The following CCDC38 variants were observed in gnomAD, a reference collection of about 807,000 sequenced individuals.
CCDC38 encodes coiled-coil domain containing 38, also known as coiled-coil domain-containing protein 38.
A neutral mutation model predicts 72.8 loss-of-function variants in CCDC38; 69 were observed. That is an observed-to-expected ratio of 0.95 (90% CI 0.78 to 1.16). The LOEUF (loss-of-function observed/expected upper bound fraction) is 1.16, where lower values mean the gene tolerates loss of function less well. Ranked by LOEUF, CCDC38 falls within the 50% of genes most tolerant of loss-of-function variation. The pLI, the probability that CCDC38 is intolerant of heterozygous loss-of-function variation, is 0.00. For missense variants in CCDC38, 626 were observed against 638.9 expected (o/e 0.98, Z 0.22); for synonymous variants, 201 against 213.2 (o/e 0.94, Z 0.50).
intron 2 of CCDC38, among the ~76,000 whole-genome samples, chr12:95,930,841 T>C (rs1694436517): frequency 6.6e-6 from 1 of 152,016 alleles, no homozygotes; most frequent in African/African-American, 2.4e-5. Flanking sequence ...CAATAAGGGG[T>C]CTGCTTAGAT....
At chr12:95,888,281 C>T (rs988691496) in intron 10 of CCDC38, among the ~76,000 whole-genome samples, 177 bp downstream of exon 10, 2 of 152,152 alleles carry the variant, frequency 1.3e-5, no homozygotes, top group Admixed American at 6.5e-5. Context: ...AGGTACTTAA[C>T]AAAGATTGGA....
intron 2 of CCDC38, among the ~76,000 whole-genome samples, chr12:95,922,467 C>G (rs551609610): frequency 1.3e-5 from 2 of 152,308 alleles, no homozygotes; most frequent in East Asian, 3.9e-4. Context: ...GAGGTGTCCC[C>G]TGGTCCCCAC....
intron 8 of CCDC38, among the ~76,000 whole-genome samples, chr12:95,892,319 C>G (rs1485490089): frequency 1.9e-5 from 2 of 107,492 alleles, no homozygotes; most frequent in Non-Finnish European, 1.7e-5. Flanking sequence ...GGGTCTCGTT[C>G]TGTTGCCCAG....
intron 10 of CCDC38, among the ~76,000 whole-genome samples, chr12:95,882,432 C>T (rs534237118): frequency 4.8e-4 from 73 of 152,190 alleles, no homozygotes; most frequent in African/African-American, 1.7e-3. Flanking sequence ...AGGAAAACAG[C>T]TTACAGATGG....
chr12:95,942,872 C>G (rs957425415), upstream of CCDC38: 5 of 153,182 alleles, frequency 3.3e-5, no homozygotes, highest in Admixed American at 1.3e-4. Flanking sequence ...TGCCCCTGGG[C>G]ACAGCTTTCC....
At chr12:95,927,220 G>T (rs2136733125) in intron 2 of CCDC38, among the ~76,000 whole-genome samples, 1 of 150,830 alleles carries the variant, frequency 6.6e-6, no homozygotes, top group Non-Finnish European at 1.5e-5. Flanking sequence ...ATGAATCTGG[G>T]TGCTCCTGTA....
At chr12:95,881,149 A>G (rs1167304760) in intron 11 of CCDC38, among the ~76,000 whole-genome samples, 4 of 151,798 alleles carry the variant, frequency 2.6e-5, no homozygotes, top group Non-Finnish European at 5.9e-5. Flanking sequence ...TATTTATTTT[A>G]TGGTTCAGCT....
rs1450078274 is a variant in CCDC38 at position 95,926,792 on chromosome 12, G to A, written c.38-7816C>T. ...ACATCTTTATTTCTTCCTTCATTTG[G>A]TTATGTACCCAGTAGTCATTCAGGA... On this transcript the variant is annotated intron_variant, in intron 2 of 15. Coordinates refer to ENST00000344280, the MANE Select transcript of CCDC38 (RefSeq NM_182496.3). 6.0e-5 allele frequency among the ~76,000 whole-genome samples: 9 copies of A among 151,096 alleles called. No homozygotes were observed. In the East Asian group the frequency reaches 1.4e-3, roughly 23 times the overall value.
intron 2 of CCDC38, among the ~76,000 whole-genome samples, chr12:95,930,033 C>A (rs1269171121): frequency 6.6e-6 from 1 of 152,106 alleles, no homozygotes; most frequent in Non-Finnish European, 1.5e-5. Context: ...AGGGTGGTCT[C>A]ATCTTGAGAT....
In CCDC38 at chr12:95,888,521, C is replaced by T. The variant is rs564644237; in HGVS notation, c.872-15G>A. 29 of 1,613,590 alleles carry T rather than the reference C, an allele frequency of 1.8e-5. No homozygotes were observed. In the South Asian group the frequency reaches 2.7e-4, roughly 15 times the overall value. On this transcript the variant is annotated splice_polypyrimidine_tract_variant and intron_variant, in intron 9 of 15. Coordinates refer to ENST00000344280, the MANE Select transcript of CCDC38 (RefSeq NM_182496.3). ...GCTTGGCTTTCCTGTTCAAAATGTC[C>T]AGGTGAGGCCATGCCGTTGGTGATG...
intron 4 of CCDC38, among the ~76,000 whole-genome samples, chr12:95,907,119 T>G (rs2080013417): frequency 6.7e-6 from 1 of 149,834 alleles, no homozygotes; most frequent in African/African-American, 2.5e-5. Context: ...AGCACATGTT[T>G]CAGAGAGCAC....
intron 4 of CCDC38, among the ~76,000 whole-genome samples, chr12:95,908,173 T>C (rs1477235827): frequency 5.3e-5 from 8 of 151,742 alleles, no homozygotes; most frequent in East Asian, 4.0e-4. Flanking sequence ...CTGGGCACCA[T>C]TGAGCACTGA....
At chr12:95,896,819 C>T (rs1270905226) in intron 7 of CCDC38, among the ~76,000 whole-genome samples, 1 of 123,062 alleles carries the variant, frequency 8.1e-6, no homozygotes, top group African/African-American at 3.6e-5. Context: ...TCTCCTGCAC[C>T]TTTCTAGATG....
intron 5 of CCDC38, among the ~76,000 whole-genome samples, chr12:95,902,436 T>A (rs1443474381): frequency 6.6e-6 from 1 of 152,182 alleles, no homozygotes; most frequent in East Asian, 1.9e-4. Flanking sequence ...TAGACGAACT[T>A]GCATTTTCTA....
intron 2 of CCDC38, among the ~76,000 whole-genome samples, chr12:95,928,680 T>C (rs1460272468): frequency 1.3e-5 from 2 of 152,208 alleles, no homozygotes; most frequent in Non-Finnish European, 2.9e-5. Flanking sequence ...GTATCTACTT[T>C]TGGTCTTTGA....
chr12:95,872,523 T>G (rs2121411713), intron 13 of CCDC38, 63 bp from the exon 14 acceptor site: 2 of 1,039,610 alleles, frequency 1.9e-6, no homozygotes, highest in South Asian at 2.7e-5. Flanking sequence ...TATACCATTT[T>G]ACTATATTAC....
chr12:95,902,725 G>A (rs2079963063), intron 5 of CCDC38, among the ~76,000 whole-genome samples: 1 of 152,096 alleles, frequency 6.6e-6, no homozygotes, highest in Admixed American at 6.6e-5. Context: ...GGAGTGGAAT[G>A]GCTATAAATA....
chr12:95,874,154 A>G (rs2079611324), intron 13 of CCDC38, among the ~76,000 whole-genome samples: 1 of 152,222 alleles, frequency 6.6e-6, no homozygotes, highest in Non-Finnish European at 1.5e-5. Flanking sequence ...AAAGTAACCC[A>G]TCGGATTGAA....
intron 10 of CCDC38, among the ~76,000 whole-genome samples, chr12:95,884,511 A>G (rs2079735771): frequency 6.6e-6 from 1 of 152,260 alleles, no homozygotes; most frequent in Non-Finnish European, 1.5e-5. Flanking sequence ...CCAAATTGAT[A>G]TACAGGTTTG....
Sources: allele counts gnomAD v4.1 joint callset (sites outside exome capture counted in the v4.1 genomes callset), GRCh38; gene constraint gnomAD v4.1.1; transcripts MANE v1.5; gene names NCBI Gene and HGNC (gene_info 2026-07-23, HGNC 2026-07-21).